Variants in MARCHF1 observed in about 807,000 individuals in gnomAD.
MARCHF1 encodes the protein E3 ubiquitin-protein ligase MARCHF1.
Under a neutral mutation model 54.2 loss-of-function variants are expected in MARCHF1, and 40 were observed. The ratio of observed to expected loss-of-function variants is 0.74; its 90% CI spans 0.57 to 0.96. The LOEUF is 0.96. MARCHF1 is among the 40% of genes least tolerant of loss of function. The pLI, the probability that MARCHF1 is intolerant of heterozygous loss-of-function variation, is 0.00. For missense variants in MARCHF1, 586 were observed against 656.5 expected (o/e 0.89, Z 1.17); for synonymous variants, 236 against 236.3 (o/e 1.00, Z 0.01).
intron 2 of MARCHF1, among the ~76,000 whole-genome samples, chr4:164,002,420 T>C (rs1444158012): frequency 1.3e-5 from 2 of 151,550 alleles, no homozygotes; most frequent in African/African-American, 4.8e-5. Context: ...AAATACCATA[T>C]TTGAAATAAA....
chr4:164,124,271 T>C (rs2110787970), intron 1 of MARCHF1, among the ~76,000 whole-genome samples: 1 of 152,106 alleles, frequency 6.6e-6, no homozygotes, highest in Non-Finnish European at 1.5e-5. Flanking sequence ...TCAAAGACAG[T>C]CAATAACAAA....
chr4:164,124,620 TACA>T (rs74185655), intron 1 of MARCHF1, among the ~76,000 whole-genome samples: 73,258 of 151,594 alleles, frequency 0.48, 18,050 homozygotes, highest in South Asian at 0.56. Context: ...TCCAGTCATT[TACA>T]ACAACATGGT....
chr4:163,959,996 G>A (rs1266892041), intron 3 of MARCHF1, among the ~76,000 whole-genome samples: 1 of 151,930 alleles, frequency 6.6e-6, no homozygotes, highest in African/African-American at 2.4e-5. Context: ...GCGAGCAAAG[G>A]ACATGAACAG....
chr4:164,142,901 G>A (rs981756029), intron 1 of MARCHF1, among the ~76,000 whole-genome samples: 9 of 151,912 alleles, frequency 5.9e-5, no homozygotes, highest in African/African-American at 1.7e-4. Flanking sequence ...TCAAACCAAA[G>A]GCAAAGAAAT....
intron 2 of MARCHF1, among the ~76,000 whole-genome samples, chr4:164,026,540 C>T (rs532950945): frequency 1.7e-4 from 26 of 152,028 alleles, no homozygotes; most frequent in African/African-American, 6.0e-4. Flanking sequence ...ATCCACCATC[C>T]CTTCATCATA....
Position 164,346,660 on chromosome 4 carries a change from A to G in MARCHF1, c.-323+37210T>C, listed in dbSNP as rs1353798050. Among the ~76,000 whole-genome samples, 7 of 63,740 alleles carry G rather than the reference A, an allele frequency of 1.1e-4. 1 individual carries two copies. The highest frequency in any genetic ancestry group is 1.0e-3 in the South Asian group (2 of 1,998). 41.8% of individuals were successfully genotyped at this position (63,740 alleles called of 152,430 possible). A position where few individuals can be genotyped will look rare whatever the true frequency, so the allele number is the denominator to read the frequency against. On this transcript the variant is annotated intron_variant, in intron 1 of 9. Coordinates refer to ENST00000514618, the MANE Select transcript of MARCHF1 (RefSeq NM_001394959.1). ...TATATATATATATATATATATATAT[A>G]TATATATATGTCCATATGCTTTTAT...
intron 3 of MARCHF1, among the ~76,000 whole-genome samples, chr4:163,964,179 T>C (rs560114472): frequency 6.6e-6 from 1 of 152,128 alleles, no homozygotes; most frequent in Non-Finnish European, 1.5e-5. Flanking sequence ...AATAATAATT[T>C]GATATTTAGC....
chr4:164,091,087 G>C (rs1215315187), intron 2 of MARCHF1, among the ~76,000 whole-genome samples: 1 of 152,058 alleles, frequency 6.6e-6, no homozygotes, highest in Non-Finnish European at 1.5e-5. Context: ...CAAATGGACT[G>C]TGAAAGAAAT....
intron 2 of MARCHF1, among the ~76,000 whole-genome samples, chr4:163,999,626 T>C (rs1753146955): frequency 6.6e-6 from 1 of 151,726 alleles, no homozygotes; most frequent in African/African-American, 2.4e-5. Flanking sequence ...TTTTTCATAA[T>C]GGGAGTGTTA....
chr4:164,325,912 C>A (rs910218585), intron 1 of MARCHF1, among the ~76,000 whole-genome samples: 6 of 151,994 alleles, frequency 3.9e-5, no homozygotes, highest in Non-Finnish European at 7.4e-5. Context: ...TTTAAAATAA[C>A]ATTTTGCATT....
intron 5 of MARCHF1, among the ~76,000 whole-genome samples, chr4:163,662,863 T>C (rs982345665): frequency 2.6e-5 from 4 of 151,840 alleles, no homozygotes; most frequent in Non-Finnish European, 2.9e-5. Flanking sequence ...CCGAGGCAAA[T>C]ATGGGAAAGA....
chr4:164,094,442 A>G (rs1755366212), intron 2 of MARCHF1, among the ~76,000 whole-genome samples: 1 of 152,138 alleles, frequency 6.6e-6, no homozygotes, highest in Admixed American at 6.6e-5. Flanking sequence ...ATCTCCAGCA[A>G]AGTCCGGAGA....
intron 5 of MARCHF1, among the ~76,000 whole-genome samples, chr4:163,620,608 G>C (rs200923500): frequency 0.06 from 2,427 of 40,750 alleles, 32 homozygotes; most frequent in African/African-American, 0.12. Flanking sequence ...CACACACACA[G>C]AGAGAGAGAG....
intron 3 of MARCHF1, among the ~76,000 whole-genome samples, chr4:163,901,232 T>A (rs1750934725): frequency 6.6e-6 from 1 of 152,218 alleles, no homozygotes; most frequent in Admixed American, 6.5e-5. Flanking sequence ...TGTCAACAGA[T>A]GATTATAATA....
intron 5 of MARCHF1, among the ~76,000 whole-genome samples, chr4:163,664,484 TGGA>T (rs1279502563): frequency 5.3e-5 from 8 of 152,058 alleles, no homozygotes; most frequent in Non-Finnish European, 7.4e-5. Context: ...TTTGAAGAAA[TGGA>T]GGAGATTTCC....
intron 1 of MARCHF1, among the ~76,000 whole-genome samples, chr4:164,360,367 G>A (rs1308026596): frequency 6.6e-6 from 1 of 152,050 alleles, no homozygotes; most frequent in Non-Finnish European, 1.5e-5. Context: ...ATCCATAACA[G>A]GAATTCCTGC....
At position 164,347,939 on chromosome 4, in the gene MARCHF1, G is replaced by A. The variant is rs185094451; in HGVS notation, c.-323+35931C>T. On this transcript the variant is annotated intron_variant, in intron 1 of 9. Transcript: ENST00000514618. ...TGTCAGTATATAGCATTTAAGAAGT[G>A]TATCAGTACTTAGCATTTAAGAAGT... Among the ~76,000 whole-genome samples, 188 of 152,272 alleles carry A rather than the reference G, an allele frequency of 1.2e-3. 1 individual carries two copies. Among genetic ancestry groups the A allele is most frequent in the Non-Finnish European group, 9.6e-4 (65 of 68,002 alleles).
intron 4 of MARCHF1, among the ~76,000 whole-genome samples, chr4:163,850,448 A>AT (rs1749612082): frequency 2.0e-5 from 3 of 152,268 alleles, no homozygotes; most frequent in Middle Eastern, 6.8e-3. Flanking sequence ...CCTTTTTGAC[A>AT]TTTTAGCTTT....
In MARCHF1 at chr4:164,120,940, C is replaced by A. The variant is rs150950479; in HGVS notation, c.-322-9278G>T. Reference sequence around the variant, plus strand: ...TGAATAACTAGAAAACAAGAGCAAACCAAACCCAAAATTAGTAGAAGAAAA... The same window carrying A: ...TGAATAACTAGAAAACAAGAGCAAAACAAACCCAAAATTAGTAGAAGAAAA... On this transcript the variant is annotated intron_variant, in intron 1 of 9. Transcript: ENST00000514618. Among the ~76,000 whole-genome samples the A allele has an allele frequency of 5.6e-3, 840 of 151,346 alleles. 7 individuals are homozygous for A. Among genetic ancestry groups the A allele is most frequent in the African/African-American group, 0.02 (806 of 41,270 alleles).
Sources: allele counts gnomAD v4.1 joint callset (sites outside exome capture counted in the v4.1 genomes callset), GRCh38; gene constraint gnomAD v4.1.1; transcripts MANE v1.5; gene names NCBI Gene and HGNC (gene_info 2026-07-23, HGNC 2026-07-21).